Variants in DCC observed in about 807,000 individuals in gnomAD.
DCC encodes the protein DCC netrin 1 receptor, also known as netrin receptor DCC.
In DCC, 58 loss-of-function variants were observed where a neutral mutation model predicts 172.5. The ratio of observed to expected loss-of-function variants is 0.34; its 90% confidence interval spans 0.27 to 0.42. The LOEUF is 0.42. Among genes scored for constraint, DCC ranks in the 10% least tolerant of loss-of-function variants. DCC has a pLI of 1.00. For missense variants in DCC, 1,740 were observed against 1,791.0 expected (o/e 0.97, Z 0.51); for synonymous variants, 709 against 644.5 (o/e 1.10, Z -1.52).
chr18:53,185,651 A>G (rs916266267), intron 9 of DCC, among the ~76,000 whole-genome samples: 1 of 152,166 alleles, frequency 6.6e-6, no homozygotes, highest in African/African-American at 2.4e-5. Context: ...GAACATTTCC[A>G]TTATTTCAGA....
chr18:52,974,090 A>T (rs1435072296), intron 5 of DCC, among the ~76,000 whole-genome samples: 1 of 152,138 alleles, frequency 6.6e-6, no homozygotes, highest in Non-Finnish European at 1.5e-5. Context: ...AATACAGTGA[A>T]GAATATATTA....
At chr18:53,211,879 C>T (rs1244395166) in intron 11 of DCC, among the ~76,000 whole-genome samples, 1 of 151,952 alleles carries the variant, frequency 6.6e-6, no homozygotes, top group Non-Finnish European at 1.5e-5. Context: ...GAAATTCTGT[C>T]TCCAATAAAA....
intron 2 of DCC, among the ~76,000 whole-genome samples, chr18:52,883,161 T>C (rs2054798180): frequency 6.6e-6 from 1 of 152,010 alleles, no homozygotes; most frequent in African/African-American, 2.4e-5. Context: ...TGAGATGTGG[T>C]TCTTGTGGGC....
intron 5 of DCC, among the ~76,000 whole-genome samples, chr18:53,037,775 A>G (rs1374244792): frequency 6.6e-6 from 1 of 151,928 alleles, no homozygotes; most frequent in South Asian, 2.1e-4. Context: ...AACGTGGAGG[A>G]TGTCACTCAG....
At chr18:52,342,458 T>C (rs559223649) in intron 1 of DCC, among the ~76,000 whole-genome samples, 33 of 2,720 alleles carry the variant, frequency 0.012, no homozygotes, top group Middle Eastern at 0.17. Context: ...AAAAGGTGGG[T>C]GGGGGTGGGG....
At chr18:52,820,432 G>A (rs1055800958) in intron 2 of DCC, among the ~76,000 whole-genome samples, 5 of 150,754 alleles carry the variant, frequency 3.3e-5, no homozygotes, top group Admixed American at 2.6e-4. Context: ...TAAAAAAGAA[G>A]ACTCCAAATG....
At chr18:52,947,173 A>G (rs1406126197) in intron 5 of DCC, among the ~76,000 whole-genome samples, 2 of 152,212 alleles carry the variant, frequency 1.3e-5, no homozygotes, top group East Asian at 3.9e-4. Flanking sequence ...TTTTATTAAT[A>G]TATAATTAAG....
intron 1 of DCC, among the ~76,000 whole-genome samples, chr18:52,407,499 A>G (rs1006032082): frequency 1.3e-5 from 2 of 152,032 alleles, no homozygotes; most frequent in African/African-American, 2.4e-5. Flanking sequence ...GATTATCTGA[A>G]TATCTCCAAA....
intron 1 of DCC, among the ~76,000 whole-genome samples, chr18:52,624,767 C>G (rs907824308): frequency 1.3e-5 from 2 of 152,254 alleles, no homozygotes; most frequent in African/African-American, 4.8e-5. Flanking sequence ...CTGAGAGGCA[C>G]AGGGGCATAG....
intron 27 of DCC, among the ~76,000 whole-genome samples, chr18:53,510,667 A>ACTT (rs1386003713): frequency 6.6e-6 from 1 of 152,184 alleles, no homozygotes; most frequent in Non-Finnish European, 1.5e-5. Context: ...CTTTCCCAAG[A>ACTT]CTTCAGAAAT....
intron 1 of DCC, among the ~76,000 whole-genome samples, chr18:52,719,382 G>A: frequency 6.6e-6 from 1 of 152,086 alleles, no homozygotes; most frequent in East Asian, 1.9e-4. Flanking sequence ...TCCAATAAAT[G>A]CAAAGTGAGT....
intron 2 of DCC, among the ~76,000 whole-genome samples, chr18:52,857,870 TCTC>T (rs369713746): frequency 1.3e-4 from 20 of 152,238 alleles, no homozygotes; most frequent in African/African-American, 2.4e-4. Flanking sequence ...AAAATAATAA[TCTC>T]CTCATAATTA....
chr18:53,096,851 A>G (rs1269559868), intron 7 of DCC, among the ~76,000 whole-genome samples: 1 of 152,224 alleles, frequency 6.6e-6, no homozygotes, highest in Non-Finnish European at 1.5e-5. Flanking sequence ...TTACTATGCT[A>G]AAAATATCAT....
intron 5 of DCC, among the ~76,000 whole-genome samples, chr18:53,002,801 G>T (rs9945571): frequency 0.051 from 7,822 of 152,138 alleles, 349 homozygotes; most frequent in East Asian, 0.21. Flanking sequence ...AATGGGAGAG[G>T]TCGAAATGAT....
At chr18:53,454,954 A>T (rs928459139) in intron 23 of DCC, among the ~76,000 whole-genome samples, 2 of 152,166 alleles carry the variant, frequency 1.3e-5, no homozygotes, top group Non-Finnish European at 2.9e-5. Flanking sequence ...TGGGTTTCTA[A>T]TACAAATTTT....
At chr18:52,774,124 G>T (rs540606141) in intron 2 of DCC, among the ~76,000 whole-genome samples, 23 of 152,290 alleles carry the variant, frequency 1.5e-4, no homozygotes, top group South Asian at 8.3e-4. Flanking sequence ...AGAAAGTGTG[G>T]TCCCTGATCA....
At chr18:53,011,197 G>T (rs1256603431) in intron 5 of DCC, among the ~76,000 whole-genome samples, 1 of 151,538 alleles carries the variant, frequency 6.6e-6, no homozygotes, top group Non-Finnish European at 1.5e-5. Context: ...TTGATAAATT[G>T]TTGTGTTTAA....
chr18:52,985,928 T>C (rs1390848302), intron 5 of DCC, among the ~76,000 whole-genome samples: 2 of 152,168 alleles, frequency 1.3e-5, no homozygotes, highest in Non-Finnish European at 2.9e-5. Flanking sequence ...ATGGGACTAT[T>C]ATAAGCTTCT....
At chr18:53,177,054 T>C (rs948211432) in intron 8 of DCC, among the ~76,000 whole-genome samples, 1 of 151,986 alleles carries the variant, frequency 6.6e-6, no homozygotes, top group African/African-American at 2.4e-5. Context: ...TTGGCAATCA[T>C]CATTCTCAGT....
Sources: allele counts gnomAD v4.1 joint callset (sites outside exome capture counted in the v4.1 genomes callset), GRCh38; gene constraint gnomAD v4.1.1; transcripts MANE v1.5; gene names NCBI Gene and HGNC (gene_info 2026-07-23, HGNC 2026-07-21).